The following SLC39A11 variants were observed in gnomAD, a reference collection of about 807,000 sequenced individuals.
SLC39A11 encodes the protein solute carrier family 39 member 11, also known as zinc transporter ZIP11.
A neutral mutation model predicts 36.1 loss-of-function variants in SLC39A11; 33 were observed. The ratio of observed to expected loss-of-function variants is 0.91; its 90% CI spans 0.69 to 1.22. The LOEUF (loss-of-function observed/expected upper bound fraction) is 1.22. Among genes scored for constraint, SLC39A11 ranks in the 50% most tolerant of loss-of-function variants. The pLI, the probability that SLC39A11 is intolerant of heterozygous loss-of-function variation, is 0.00. For synonymous variants in SLC39A11, 166 were observed against 170.3 expected (o/e 0.97, Z 0.20); for missense variants, 432 against 430.3 (o/e 1.00, Z -0.03).
At chr17:73,037,529 C>CCAGT (rs2058961915) in intron 3 of SLC39A11, among the ~76,000 whole-genome samples, 2 of 152,230 alleles carry the variant, frequency 1.3e-5, no homozygotes, top group South Asian at 4.1e-4. Flanking sequence ...CTTTTGCCAG[C>CCAGT]CAGTCCCTTC....
intron 5 of SLC39A11, among the ~76,000 whole-genome samples, chr17:72,860,500 A>C (rs2079922159): frequency 6.6e-6 from 1 of 152,184 alleles, no homozygotes; most frequent in South Asian, 2.1e-4. Context: ...GGGGATTGTC[A>C]ATCAAATCAA....
At chr17:72,997,097 C>T (rs1350496460) in intron 4 of SLC39A11, among the ~76,000 whole-genome samples, 1 of 151,986 alleles carries the variant, frequency 6.6e-6, no homozygotes, top group East Asian at 1.9e-4. Flanking sequence ...TAGAGTTGGT[C>T]CAGCCAATTC....
intron 3 of SLC39A11, among the ~76,000 whole-genome samples, chr17:73,042,820 T>G (rs4969056): frequency 0.77 from 117,810 of 152,032 alleles, 47,497 homozygotes; most frequent in Non-Finnish European, 0.88. Context: ...ATAATAATAA[T>G]AAGAAGAAGA....
At chr17:73,017,574 G>A (rs1276229765) in intron 4 of SLC39A11, among the ~76,000 whole-genome samples, 1 of 152,096 alleles carries the variant, frequency 6.6e-6, no homozygotes, top group Non-Finnish European at 1.5e-5. Flanking sequence ...TTAGCTGGGC[G>A]TGGTGGCACG....
intron 5 of SLC39A11, among the ~76,000 whole-genome samples, chr17:72,907,432 G>A (rs1364603454): frequency 2.0e-5 from 3 of 152,194 alleles, no homozygotes; most frequent in African/African-American, 7.2e-5. Context: ...GGAGATTGCA[G>A]TGAGCCGATA....
chr17:72,789,452 C>G (rs73354730), intron 6 of SLC39A11, among the ~76,000 whole-genome samples: 2 of 152,140 alleles, frequency 1.3e-5, no homozygotes, highest in South Asian at 2.1e-4. Flanking sequence ...AAAGGGCACA[C>G]GAAATGAAGA....
chr17:72,664,761 T>C (rs978944979), intron 7 of SLC39A11, among the ~76,000 whole-genome samples: 4 of 152,246 alleles, frequency 2.6e-5, no homozygotes, highest in Non-Finnish European at 5.9e-5. Context: ...ACTTACACAT[T>C]CATGCCCTCC....
At chr17:72,844,970 T>A (rs1379548231) in intron 6 of SLC39A11, among the ~76,000 whole-genome samples, 1 of 152,070 alleles carries the variant, frequency 6.6e-6, no homozygotes, top group African/African-American at 2.4e-5. Context: ...ATATCCCACA[T>A]CCAATCCATC....
intron 5 of SLC39A11, among the ~76,000 whole-genome samples, chr17:72,876,523 G>A (rs1408783320): frequency 6.6e-6 from 1 of 152,104 alleles, no homozygotes; most frequent in Admixed American, 6.6e-5. Context: ...TAAAACTTGA[G>A]AAAGTTACAT....
At position 72,911,418 on chromosome 17, in the gene SLC39A11, T is replaced by TA. The variant is rs75157228; in HGVS notation, c.430+36333dup. Among the ~76,000 whole-genome samples the TA allele has an allele frequency of 4.7e-3, 618 of 131,962 alleles. 2 individuals are homozygous for TA. The highest frequency in any genetic ancestry group is 0.014 in the African/African-American group (548 of 38,966). The allele number at this position is 131,962 out of a possible 152,430, so 86.6% of individuals were successfully genotyped here. Reference sequence around the variant, plus strand: ...GTACCCTAAAACTTAAAGTATAATTTAAAAAAAAAAAACTTTACACAAAAA... The same window carrying TA: ...GTACCCTAAAACTTAAAGTATAATTTAAAAAAAAAAAAACTTTACACAAAAA... On this transcript the variant is annotated intron_variant, in intron 5 of 9. Coordinates refer to ENST00000255559, the MANE Select transcript of SLC39A11 (RefSeq NM_139177.4).
chr17:72,737,475 A>G (rs1467198500), intron 6 of SLC39A11, among the ~76,000 whole-genome samples: 3 of 152,020 alleles, frequency 2.0e-5, no homozygotes, highest in East Asian at 1.9e-4. Flanking sequence ...AACTTTCATA[A>G]CCCCTGGCCT....
chr17:72,962,801 T>C (rs1243548457), intron 4 of SLC39A11, among the ~76,000 whole-genome samples: 2 of 152,172 alleles, frequency 1.3e-5, no homozygotes, highest in Admixed American at 6.5e-5. Context: ...CCTCCCAAAG[T>C]GCTGGGATTA....
chr17:72,769,687 G>C (rs1306626932), intron 6 of SLC39A11, among the ~76,000 whole-genome samples: 2 of 152,166 alleles, frequency 1.3e-5, no homozygotes, highest in African/African-American at 4.8e-5. Context: ...TGCGACTACA[G>C]GTGCGTGCCA....
chr17:72,692,262 C>T (rs1409470628), intron 7 of SLC39A11, among the ~76,000 whole-genome samples: 4 of 152,182 alleles, frequency 2.6e-5, no homozygotes, highest in Non-Finnish European at 4.4e-5. Context: ...CCACCCGCCT[C>T]GGCCTCCCAA....
At chr17:72,991,336 C>T (rs564718263) in intron 4 of SLC39A11, among the ~76,000 whole-genome samples, 1 of 151,814 alleles carries the variant, frequency 6.6e-6, no homozygotes, top group African/African-American at 2.4e-5. Flanking sequence ...CATTCGGCAA[C>T]TTTTGTTATT....
At chr17:73,024,705 A>ATT (rs111311150) in intron 4 of SLC39A11, among the ~76,000 whole-genome samples, 2 of 145,940 alleles carry the variant, frequency 1.4e-5, no homozygotes, top group Admixed American at 1.4e-4. Flanking sequence ...AGTTGTGTAC[A>ATT]TTTTTTTTTT....
Position 72,894,742 on chromosome 17 carries a change from T to C in SLC39A11, c.431-44938A>G, listed in dbSNP as rs553612991. On this transcript the variant is annotated intron_variant, in intron 5 of 9. Transcript: ENST00000255559. Reference sequence around the variant, plus strand: ...CCTCAACCTGAATGAGTCAGAAACGTTTCAGAGAGGGGAATAATTAATCTA... The same window carrying C: ...CCTCAACCTGAATGAGTCAGAAACGCTTCAGAGAGGGGAATAATTAATCTA... 4.6e-5 allele frequency among the ~76,000 whole-genome samples: 7 copies of C among 151,362 alleles called. No homozygotes were observed. In the South Asian group the frequency reaches 1.5e-3, roughly 32 times the overall value.
chr17:72,707,389 G>A (rs1466249724), intron 7 of SLC39A11, among the ~76,000 whole-genome samples: 1 of 152,156 alleles, frequency 6.6e-6, no homozygotes. Flanking sequence ...GGATGACAGA[G>A]CAAGACAGAA....
In SLC39A11 at chr17:72,770,775, C is replaced by A. The variant is rs377227414; in HGVS notation, c.602-34056G>T. ...ACATTTAGAACCAGCACTATGCATT[C>A]GGAAGCACAGCAACAAACACCTTCG... On this transcript the variant is annotated intron_variant, in intron 6 of 9. Transcript: ENST00000255559. Among the ~76,000 whole-genome samples, 273 of 152,342 alleles carry A rather than the reference C, an allele frequency of 1.8e-3. 4 individuals are homozygous for A. Among genetic ancestry groups the A allele is most frequent in the South Asian group, 0.014 (67 of 4,830 alleles).
Sources: gnomAD v4.1 joint callset for allele counts (sites outside exome capture counted in the v4.1 genomes callset) on GRCh38, gnomAD v4.1.1 for gene constraint, MANE v1.5 for transcripts, NCBI Gene and HGNC (gene_info 2026-07-23, HGNC 2026-07-21) for gene names.